OTOG: variants seen among roughly 807,000 people sequenced by gnomAD.
The protein encoded by OTOG is otogelin.
A neutral mutation model predicts 313.8 loss-of-function variants in OTOG; 296 were observed. The ratio of observed to expected loss-of-function variants is 0.94; its 90% CI spans 0.86 to 1.04. OTOG has a LOEUF of 1.04. Ranked by LOEUF, OTOG falls within the 50% of genes least tolerant of loss-of-function variation. The pLI, the probability that OTOG is intolerant of heterozygous loss-of-function variation, is 0.00. For missense variants in OTOG, 3,948 were observed against 3,840.1 expected, an observed-to-expected ratio of 1.03 and a Z score of -0.74; for synonymous variants, 1,533 against 1,554.9, an observed-to-expected ratio of 0.99 and a Z score of 0.33.
chr11:17,559,002 G>T (rs1438065176), intron 10 of OTOG, 50 bp from the exon 11 acceptor site: 11 of 1,407,922 alleles, frequency 7.8e-6, no homozygotes, highest in African/African-American at 1.4e-5. Flanking sequence ...CTGGTGGGCT[G>T]GTGGCACTTT....
chr11:17,617,333 A>G (rs924141259), intron 39 of OTOG, among the ~76,000 whole-genome samples: 1 of 152,312 alleles, frequency 6.6e-6, no homozygotes, highest in East Asian at 1.9e-4. Flanking sequence ...AATGAGTTGG[A>G]AAGTATTCTC....
In OTOG at chr11:17,633,872, G is replaced by A; in HGVS notation, c.7265G>A (p.Cys2422Tyr). Residue 2422 changes from cysteine (C) to tyrosine (Y), a missense_variant and splice_region_variant, in exon 43 of 56, where the codon TGC (cysteine) becomes TAC (tyrosine). By Grantham distance (194) the Cys-to-Tyr change is radical. Coordinates refer to ENST00000399397, the MANE Select transcript of OTOG (RefSeq NM_001292063.2). ...GCACTCTGCATCCCGGAGGCCAAGT[G>A]CGGTAGGTTCCTCCCCTCCCTGAGT... ...HSALCIPEAK[C>Y]ACTDSMGVPR... 6.5e-7 allele frequency: 1 copy of A among 1,532,344 alleles called. No individual in the cohort carries two copies. Among genetic ancestry groups the A allele is most frequent in the Non-Finnish European group, 8.8e-7 (1 of 1,138,282 alleles). The allele number at this position is 1,532,344 out of a possible 1,614,324, so 94.9% of individuals were successfully genotyped here. A position where few individuals can be genotyped will look rare whatever the true frequency, so the allele number is the denominator to read the frequency against.
chr11:17,565,519 T>C (rs935797721), intron 15 of OTOG, among the ~76,000 whole-genome samples: 3 of 152,204 alleles, frequency 2.0e-5, no homozygotes, highest in Non-Finnish European at 4.4e-5. Context: ...ACTGTTCTTT[T>C]TGGAAGGAAG....
In OTOG at chr11:17,629,580, C is replaced by T. The variant is rs116817711; in HGVS notation, c.6712+264C>T. The stretch of plus-strand genomic sequence containing the variant: ...AGCTTCCCTGACAGCCTTCTAATGT[C>T]GGATAATCCTTTCCATCTGCATGAG... On this transcript the variant is annotated intron_variant, in intron 40 of 55. Coordinates refer to ENST00000399397, the MANE Select transcript of OTOG (RefSeq NM_001292063.2). Among the ~76,000 whole-genome samples, 1,210 of 152,284 alleles carry T rather than the reference C, an allele frequency of 7.9e-3. 15 individuals carry two copies. Among genetic ancestry groups the T allele is most frequent in the African/African-American group, 0.028 (1,156 of 41,560 alleles).
chr11:17,609,722 G>T lies in OTOG; in HGVS notation c.4422G>T (p.Gly1474=). 1 of 1,542,104 alleles carries T rather than the reference G, an allele frequency of 6.5e-7. No homozygotes were observed. Among genetic ancestry groups the T allele is most frequent in the South Asian group, 1.2e-5 (1 of 82,342 alleles). Residue 1474 remains glycine (G), a synonymous_variant, in exon 36 of 56, where the codon GGG becomes GGT. Coordinates refer to ENST00000399397, the MANE Select transcript of OTOG (RefSeq NM_001292063.2). ...LGNETLPPSQ[G]LPTPSDEEPQ... ...ATGAGACCCTCCCTCCCAGTCAAGG[G>T]TTGCCCACTCCCAGTGATGAGGAGC...
intron 6 of OTOG, 127 bp downstream of exon 6, chr11:17,553,646 C>T: frequency 1.1e-6 from 1 of 907,594 alleles, no homozygotes; most frequent in Non-Finnish European, 1.5e-6. Flanking sequence ...CCCCCAGCTC[C>T]CACCCAGGCA....
chr11:17,602,853 C>T (rs1451967037), intron 32 of OTOG, among the ~76,000 whole-genome samples: 1 of 152,174 alleles, frequency 6.6e-6, no homozygotes, highest in East Asian at 1.9e-4. Context: ...AAGGTCCCTG[C>T]CCATCAGAAG....
intron 15 of OTOG, among the ~76,000 whole-genome samples, chr11:17,566,684 A>T (rs1349578825): frequency 5.3e-5 from 8 of 152,220 alleles, no homozygotes. Context: ...TCCAGCATAC[A>T]TGTATATTCC....
chr11:17,596,816 C>T, intron 29 of OTOG, 35 bp from the exon 30 acceptor site: 1 of 1,530,652 alleles, frequency 6.5e-7, no homozygotes, highest in Non-Finnish European at 8.8e-7. Context: ...CATTTGGGAT[C>T]TGTCCTCTGA....
intron 32 of OTOG, among the ~76,000 whole-genome samples, chr11:17,604,923 C>T (rs1180143855): frequency 6.6e-6 from 1 of 152,226 alleles, no homozygotes; most frequent in Non-Finnish European, 1.5e-5. Flanking sequence ...GCCATCTTCT[C>T]GCAGCTTCCC....
rs1283356047 is a variant in OTOG at position 17,586,615 on chromosome 11, TG to T, written c.2867+35del. 14 of 1,228,464 alleles carry T rather than the reference TG, an allele frequency of 1.1e-5. No homozygotes were observed. In the East Asian group the frequency reaches 4.0e-4, roughly 35 times the overall value. The allele number at this position is 1,228,464 out of a possible 1,614,324, so 76.1% of individuals were successfully genotyped here. A position where few individuals can be genotyped will look rare whatever the true frequency, so the allele number is the denominator to read the frequency against. On this transcript the variant is annotated intron_variant, in intron 24 of 55. Coordinates refer to ENST00000399397, the MANE Select transcript of OTOG (RefSeq NM_001292063.2). ...GGGTCCCAAGCAGGCTTTGCTTTTT[TG>T]CTGGGAGGGGGCATGGATATGGGTG...
intron 12 of OTOG, 129 bp from the exon 13 acceptor site, chr11:17,560,580 A>C: frequency 1.5e-6 from 1 of 681,446 alleles, no homozygotes; most frequent in Non-Finnish European, 2.6e-6. Context: ...ATAGAGGAGA[A>C]AGTTTGGAAG....
intron 15 of OTOG, among the ~76,000 whole-genome samples, chr11:17,564,928 G>T (rs1852267557): frequency 6.6e-6 from 1 of 152,174 alleles, no homozygotes; most frequent in African/African-American, 2.4e-5. Flanking sequence ...TGTAGTGTTT[G>T]CAGCCCTCAA....
chr11:17,595,985 G>A (rs1244885757), intron 28 of OTOG, 53 bp from the exon 29 acceptor site: 4 of 1,259,558 alleles, frequency 3.2e-6, no homozygotes, highest in Non-Finnish European at 3.4e-6. Flanking sequence ...GTCATGTCAG[G>A]CAACAGGCAT....
In OTOG at chr11:17,561,732, A is replaced by G; in HGVS notation, c.1569A>G (p.Thr523=). 6.4e-7 allele frequency: 1 copy of G among 1,550,408 alleles called. No individual in the cohort carries two copies. The highest frequency in any genetic ancestry group is 8.7e-7 in the Non-Finnish European group (1 of 1,146,946). Residue 523 remains threonine (T), a synonymous_variant, in exon 15 of 56, where the codon ACA becomes ACG. Transcript: ENST00000399397. ...GCCGCCGGTACACGTTCCCCGCCAC[A>G]TGTCAGTACATCCTGGCCAAGAGCC... The part of the protein sequence containing the change: ...FDGRRYTFPA[T]CQYILAKSRS...
In OTOG at chr11:17,561,622, G is replaced by C. The variant is rs775382102; in HGVS notation, c.1499-40G>C. 6 of 1,549,834 alleles carry C rather than the reference G, an allele frequency of 3.9e-6. No individual in the cohort carries two copies. The South Asian group carries it at 7.1e-5, about 18-fold the overall frequency. On this transcript the variant is annotated intron_variant, in intron 14 of 55. Transcript: ENST00000399397. ...AGCTTGCAGGGCAGAGTTCCCCTGG[G>C]GCGGCTCCCATGGGTCAGTGGCCTT...
In OTOG at chr11:17,606,140, G is replaced by T; in HGVS notation, c.4156+5G>T. The stretch of plus-strand genomic sequence containing the variant: ...GCACACTCTTCCGCCTTCTGGGTAG[G>T]CGACCCCCTGCCATTGCCCTCGGCC... On this transcript the variant is annotated splice_donor_5th_base_variant and intron_variant, in intron 33 of 55. Transcript: ENST00000399397. 6.6e-7 allele frequency: 1 copy of T among 1,522,554 alleles called. No homozygotes were observed. The allele number at this position is 1,522,554 out of a possible 1,614,324, so 94.3% of individuals were successfully genotyped here.
chr11:17,570,848 C>T (rs1288963850), intron 17 of OTOG, among the ~76,000 whole-genome samples: 1 of 152,154 alleles, frequency 6.6e-6, no homozygotes, highest in Admixed American at 6.5e-5. Context: ...GAGCCAAGAA[C>T]ACTAACATTC....
chr11:17,548,221 G>C lies in OTOG; in HGVS notation c.216+9G>C, dbSNP rs1851852454. On this transcript the variant is annotated intron_variant, in intron 3 of 55. Coordinates refer to ENST00000399397, the MANE Select transcript of OTOG (RefSeq NM_001292063.2). ...CAGTCGTGGGAGGCCAGGTAAGGGA[G>C]GTCTTGGGAGGGGGCTTCATTGAGC... The C allele has an allele frequency of 6.5e-7, 1 of 1,542,720 alleles. No individual in the cohort carries two copies. Among genetic ancestry groups the C allele is most frequent in the East Asian group, 2.5e-5 (1 of 40,768 alleles).
Sources: allele counts gnomAD v4.1 joint callset (sites outside exome capture counted in the v4.1 genomes callset), GRCh38; gene constraint gnomAD v4.1.1; transcripts MANE v1.5; gene names NCBI Gene and HGNC (gene_info 2026-07-23, HGNC 2026-07-21).